Variants in TSPAN5 observed in about 807,000 individuals in gnomAD.
TSPAN5 encodes tetraspanin 5, also known as tetraspanin-5.
Under a neutral mutation model 37.1 loss-of-function variants are expected in TSPAN5, and 10 were observed. The ratio of observed to expected loss-of-function variants is 0.27; its 90% CI spans 0.17 to 0.46. The LOEUF is 0.46. Among genes scored for constraint, TSPAN5 ranks in the 20% least tolerant of loss-of-function variants. The probability of loss-of-function intolerance (pLI) is 1.00; values close to 1 mark genes in which losing one functional copy is unlikely to be tolerated. For synonymous variants in TSPAN5, 110 were observed against 118.9 expected (o/e 0.93, Z 0.48); for missense variants, 195 against 326.6 (o/e 0.60, Z 3.11).
chr4:98,482,332 T>C, intron 3 of TSPAN5, 157 bp from the exon 4 acceptor site: 1 of 611,042 alleles, frequency 1.6e-6, no homozygotes, highest in Non-Finnish European at 2.7e-6. Context: ...ATTAATAGAA[T>C]ATTACACTCC....
At position 98,599,790 on chromosome 4, in the gene TSPAN5, A is replaced by G. The variant is rs148857779; in HGVS notation, c.81+58356T>C. On this transcript the variant is annotated intron_variant, in intron 1 of 7. Transcript: ENST00000305798. ...CCCTTTTGTTGCTGAGTAGTATTCC[A>G]TTTTATGGATATACCACAATTTGTT... is the stretch of plus-strand genomic sequence containing the variant. Among the ~76,000 whole-genome samples the G allele has an allele frequency of 4.2e-3, 633 of 152,304 alleles. 7 individuals are homozygous for G. The highest frequency in any genetic ancestry group is 0.01 in the Middle Eastern group (3 of 294).
chr4:98,588,253 C>G (rs1385186517), intron 1 of TSPAN5, among the ~76,000 whole-genome samples: 1 of 152,096 alleles, frequency 6.6e-6, no homozygotes. Flanking sequence ...CACTGAGAAG[C>G]CTTTTAAATG....
At chr4:98,500,747 T>C (rs955032633) in intron 2 of TSPAN5, among the ~76,000 whole-genome samples, 4 of 152,222 alleles carry the variant, frequency 2.6e-5, no homozygotes, top group Admixed American at 6.5e-5. Context: ...CATGTTCTCA[T>C]TGGCTTAGTC....
chr4:98,543,442 G>A (rs1754404429), intron 1 of TSPAN5, among the ~76,000 whole-genome samples: 1 of 143,722 alleles, frequency 7.0e-6, no homozygotes, highest in African/African-American at 2.6e-5. Context: ...TTGAGATGAA[G>A]TCTCCCTCTG....
intron 1 of TSPAN5, among the ~76,000 whole-genome samples, chr4:98,567,724 G>C (rs759275884): frequency 1.3e-4 from 20 of 152,176 alleles, no homozygotes; most frequent in Non-Finnish European, 2.4e-4. Context: ...ACCTGAAAGG[G>C]GCCTGGAAAG....
chr4:98,474,405 G>A (rs1012388464), intron 7 of TSPAN5, among the ~76,000 whole-genome samples: 1 of 152,158 alleles, frequency 6.6e-6, no homozygotes, highest in African/African-American at 2.4e-5. Context: ...CCAGGCTGGA[G>A]TGCAATGGCA....
intron 1 of TSPAN5, among the ~76,000 whole-genome samples, chr4:98,521,786 C>T (rs892408255): frequency 1.3e-5 from 2 of 152,170 alleles, no homozygotes; most frequent in Non-Finnish European, 2.9e-5. Flanking sequence ...CACAAATGCT[C>T]TCTCTATGCC....
At chr4:98,492,968 A>C (rs1753117712) in intron 2 of TSPAN5, among the ~76,000 whole-genome samples, 1 of 152,188 alleles carries the variant, frequency 6.6e-6, no homozygotes, top group African/African-American at 2.4e-5. Context: ...GCCTGAAGCC[A>C]GAAGTTGAGA....
chr4:98,555,664 T>G (rs1754725707), intron 1 of TSPAN5, among the ~76,000 whole-genome samples: 1 of 152,158 alleles, frequency 6.6e-6, no homozygotes, highest in African/African-American at 2.4e-5. Context: ...TCCCAACCCC[T>G]TAAGTTTTCA....
chr4:98,652,919 C>T (rs1448044828), intron 1 of TSPAN5, among the ~76,000 whole-genome samples: 6 of 152,150 alleles, frequency 3.9e-5, no homozygotes, highest in Non-Finnish European at 5.9e-5. Flanking sequence ...TTTCAATCTG[C>T]GGAGTATATC....
At chr4:98,601,430 GCTT>G (rs1319109503) in intron 1 of TSPAN5, among the ~76,000 whole-genome samples, 1 of 152,210 alleles carries the variant, frequency 6.6e-6, no homozygotes, top group Non-Finnish European at 1.5e-5. Context: ...ACTTGCTGAA[GCTT>G]CTACATGAGC....
At chr4:98,529,235 T>C (rs1026680819) in intron 1 of TSPAN5, among the ~76,000 whole-genome samples, 3 of 152,244 alleles carry the variant, frequency 2.0e-5, no homozygotes, top group Admixed American at 1.3e-4. Flanking sequence ...CTAACACTTC[T>C]AACCGCCTAC....
At chr4:98,524,782 G>C (rs572865607) in intron 1 of TSPAN5, among the ~76,000 whole-genome samples, 2 of 151,988 alleles carry the variant, frequency 1.3e-5, no homozygotes, top group Non-Finnish European at 2.9e-5. Flanking sequence ...GCTCAAAAGA[G>C]AAAAATCTGA....
At chr4:98,522,617 G>A (rs1753879214) in intron 1 of TSPAN5, among the ~76,000 whole-genome samples, 1 of 152,226 alleles carries the variant, frequency 6.6e-6, no homozygotes, top group Non-Finnish European at 1.5e-5. Context: ...CAGGATGCAT[G>A]GGGCATAATC....
chr4:98,632,620 G>A (rs1344223250), intron 1 of TSPAN5, among the ~76,000 whole-genome samples: 1 of 152,142 alleles, frequency 6.6e-6, no homozygotes, highest in East Asian at 1.9e-4. Flanking sequence ...TGCATTAAAA[G>A]GACAGCCACT....
intron 1 of TSPAN5, among the ~76,000 whole-genome samples, chr4:98,583,484 C>T (rs1358548): frequency 0.61 from 92,501 of 151,826 alleles, 28,216 homozygotes; most frequent in Admixed American, 0.65. Flanking sequence ...CAGCATTTAA[C>T]GCCCAGCCTT....
chr4:98,591,031 A>AT (rs1483546804), intron 1 of TSPAN5, among the ~76,000 whole-genome samples: 1 of 151,194 alleles, frequency 6.6e-6, no homozygotes, highest in East Asian at 1.9e-4. Context: ...CCCAATAGAA[A>AT]TGAGCAACTT....
At chr4:98,485,233 T>C (rs1230507541) in intron 3 of TSPAN5, 1 of 152,590 alleles carries the variant, frequency 6.6e-6, no homozygotes, top group East Asian at 1.9e-4. Context: ...CAAGGTGAGC[T>C]GAGCACTGGA....
chr4:98,640,357 T>C (rs1422004183), intron 1 of TSPAN5, among the ~76,000 whole-genome samples: 1 of 152,218 alleles, frequency 6.6e-6, no homozygotes, highest in Non-Finnish European at 1.5e-5. Context: ...ATAGCTGCTA[T>C]ATTTCAGGTA....
Sources: allele counts gnomAD v4.1 joint callset (sites outside exome capture counted in the v4.1 genomes callset), GRCh38; gene constraint gnomAD v4.1.1; transcripts MANE v1.5; gene names NCBI Gene and HGNC (gene_info 2026-07-23, HGNC 2026-07-21).